Variants in AGPAT4 observed in about 807,000 individuals in gnomAD.
AGPAT4 encodes 1-acylglycerol-3-phosphate O-acyltransferase 4, also known as 1-acyl-sn-glycerol-3-phosphate acyltransferase delta.
AGPAT4 carries 15 observed loss-of-function variants against 48.0 expected under a neutral mutation model. That is an observed-to-expected ratio of 0.31 (90% CI 0.21 to 0.48). The LOEUF is 0.48. Ranked by LOEUF, AGPAT4 falls within the 20% of genes least tolerant of loss-of-function variation. The pLI is 0.99. For synonymous variants in AGPAT4, 178 were observed against 198.7 expected (o/e 0.90, Z 0.88); for missense variants, 314 against 482.5 (o/e 0.65, Z 3.27).
At position 161,142,392 on chromosome 6, in the gene AGPAT4, T is replaced by A. The variant is rs1779282787; in HGVS notation, c.844-2772A>T. 6.6e-6 allele frequency among the ~76,000 whole-genome samples: 1 copy of A among 152,146 alleles called. No homozygotes were observed. Among genetic ancestry groups the A allele is most frequent in the Non-Finnish European group, 1.5e-5 (1 of 68,020 alleles). ...AGGGAAAGGACTCGTGTTTTTTGTT[T>A]TTGTGTGTTACCGTGTGGCATAGTA... On this transcript the variant is annotated intron_variant, in intron 7 of 8. Coordinates refer to ENST00000320285, the MANE Select transcript of AGPAT4 (RefSeq NM_020133.3). The surrounding 1 kb of genome is among the most constrained non-coding windows in gnomAD (Gnocchi z 6.4).
At chr6:161,193,792 T>C (rs1780989723) in intron 2 of AGPAT4, among the ~76,000 whole-genome samples, 1 of 152,250 alleles carries the variant, frequency 6.6e-6, no homozygotes, top group Non-Finnish European at 1.5e-5. Context: ...CTATCTGCAC[T>C]ATCTTCCCTT....
intron 1 of AGPAT4, among the ~76,000 whole-genome samples, chr6:161,252,396 A>G (rs1345661211): frequency 2.6e-5 from 4 of 152,240 alleles, no homozygotes; most frequent in African/African-American, 4.8e-5. Context: ...CTTTTAGGTT[A>G]TGAGCTCCTT....
chr6:161,182,172 C>T (rs181888175), intron 2 of AGPAT4, among the ~76,000 whole-genome samples: 157 of 151,920 alleles, frequency 1.0e-3, no homozygotes, highest in Middle Eastern at 0.01. Context: ...GCACCTCGTC[C>T]CAGCCTCTTA....
rs1471346491 is a variant in AGPAT4 at position 161,231,227 on chromosome 6, A to G, written c.178+809T>C. On this transcript the variant is annotated intron_variant, in intron 2 of 8. Coordinates refer to ENST00000320285, the MANE Select transcript of AGPAT4 (RefSeq NM_020133.3). This position sits in a 1 kb window ranked among gnomAD's most constrained non-coding sequence, Gnocchi z 5.3. ...GCGTTCTCTACTTTTAAGAATAGGTATAGGCTTAAGGCTAATCAATATCAA... is the reference window on the plus strand; with the variant it reads ...GCGTTCTCTACTTTTAAGAATAGGTGTAGGCTTAAGGCTAATCAATATCAA... Among the ~76,000 whole-genome samples the G allele has an allele frequency of 1.3e-5, 2 of 152,246 alleles. No individual in the cohort carries two copies. The highest frequency in any genetic ancestry group is 4.8e-5 in the African/African-American group (2 of 41,464).
At chr6:161,168,307 C>T (rs1427012542) in intron 2 of AGPAT4, among the ~76,000 whole-genome samples, 2 of 152,114 alleles carry the variant, frequency 1.3e-5, no homozygotes, top group African/African-American at 2.4e-5. Flanking sequence ...AGATAAGCAC[C>T]AAAGCACAAC....
rs936535190 is a variant in AGPAT4 at position 161,158,736 on chromosome 6, G to A, written c.349-4426C>T. Among the ~76,000 whole-genome samples, 11 of 152,198 alleles carry A rather than the reference G, an allele frequency of 7.2e-5. No individual in the cohort carries two copies. The South Asian group carries it at 8.3e-4, about 11-fold the overall frequency. On this transcript the variant is annotated intron_variant, in intron 3 of 8. Coordinates refer to ENST00000320285, the MANE Select transcript of AGPAT4 (RefSeq NM_020133.3). This position sits in a 1 kb window ranked among gnomAD's most constrained non-coding sequence, Gnocchi z 5.3. ...ACAGCCTCTGGGGTGAAAAGGGATC[G>A]GAATGAGGCCATTCTAGTTAAGGTT...
chr6:161,166,507 G>C lies in AGPAT4; in HGVS notation c.179-90C>G. 6.9e-7 allele frequency: 1 copy of C among 1,458,608 alleles called. No homozygotes were observed. 90.4% of individuals were successfully genotyped at this position (1,458,608 alleles called of 1,614,324 possible). On this transcript the variant is annotated intron_variant, in intron 2 of 8. Transcript: ENST00000320285. The surrounding 1 kb of genome is among the most constrained non-coding windows in gnomAD (Gnocchi z 6.7). ...AGCAGGGCTCTGCCCTCCCAGCTAG[G>C]GGAGAAAGCAACTTCTACGGGCAAA...
rs1781104111 is a variant in AGPAT4, at chr6:161,197,577, G to A, written c.179-31160C>T. Among the ~76,000 whole-genome samples the A allele has an allele frequency of 6.6e-6, 1 of 152,126 alleles. No homozygotes were observed. The highest frequency in any genetic ancestry group is 1.5e-5 in the Non-Finnish European group (1 of 68,022). The stretch of plus-strand genomic sequence containing the variant: ...GACTGATGTACGCATTACTCCTGGG[G>A]CTCATGTTTTCCTCTCCTGAACCAC... On this transcript the variant is annotated intron_variant, in intron 2 of 8. Transcript: ENST00000320285. The surrounding 1 kb of genome is among the most constrained non-coding windows in gnomAD (Gnocchi z 5.7).
In AGPAT4 at chr6:161,139,729, G is replaced by A. The variant is rs999431319; in HGVS notation, c.844-109C>T. 9 of 975,628 alleles carry A rather than the reference G, an allele frequency of 9.2e-6. No homozygotes were observed. In the African/African-American group the frequency reaches 1.3e-4, roughly 14 times the overall value. The allele number at this position is 975,628 out of a possible 1,614,324, so 60.4% of individuals were successfully genotyped here. ...GCAGAGATACACAGGTGCCACCGGGGCTCGGCAGAACTGGGGTCTGCAGCT... is the reference window on the plus strand; with the variant it reads ...GCAGAGATACACAGGTGCCACCGGGACTCGGCAGAACTGGGGTCTGCAGCT... On this transcript the variant is annotated intron_variant, in intron 7 of 8. Coordinates refer to ENST00000320285, the MANE Select transcript of AGPAT4 (RefSeq NM_020133.3). This position sits in a 1 kb window ranked among gnomAD's most constrained non-coding sequence, Gnocchi z 9.1.
In AGPAT4 at chr6:161,183,058, TCCTCCTGC is replaced by T. The variant is rs1390696096; in HGVS notation, c.179-16649_179-16642del. 4.6e-5 allele frequency among the ~76,000 whole-genome samples: 7 copies of T among 152,230 alleles called. No homozygotes were observed. In the East Asian group the frequency reaches 1.2e-3, roughly 25 times the overall value. On this transcript the variant is annotated intron_variant, in intron 2 of 8. Coordinates refer to ENST00000320285, the MANE Select transcript of AGPAT4 (RefSeq NM_020133.3). The stretch of plus-strand genomic sequence containing the variant: ...AGAGGATGAGGAAGGGCCTAGAGTT[TCCTCCTGC>T]CCCCACCACCATTGCCACTCCAGTG...
In AGPAT4 at chr6:161,158,851, T is replaced by C. The variant is rs1779840842; in HGVS notation, c.349-4541A>G. On this transcript the variant is annotated intron_variant, in intron 3 of 8. Coordinates refer to ENST00000320285, the MANE Select transcript of AGPAT4 (RefSeq NM_020133.3). The surrounding 1 kb of genome is among the most constrained non-coding windows in gnomAD (Gnocchi z 5.3). ...CATGGCTGGGAGCAGCAGGGTATCC[T>C]GCTCCTGCACCGCCTCCACCCCCAC... Among the ~76,000 whole-genome samples the C allele has an allele frequency of 6.6e-6, 1 of 152,182 alleles. No individual in the cohort carries two copies. Among genetic ancestry groups the C allele is most frequent in the Admixed American group, 6.5e-5 (1 of 15,278 alleles).
In AGPAT4 at chr6:161,262,330, G is replaced by A. The variant is rs147998970; in HGVS notation, c.-90+11608C>T. ...GAACATGGGTTAGACTCTGCTGCCA[G>A]GACCTGAAAAGCGTGATGGAGCTGC... On this transcript the variant is annotated intron_variant, in intron 1 of 8. Coordinates refer to ENST00000320285, the MANE Select transcript of AGPAT4 (RefSeq NM_020133.3). The surrounding 1 kb of genome is among the most constrained non-coding windows in gnomAD (Gnocchi z 4.9). Among the ~76,000 whole-genome samples the A allele has an allele frequency of 4.8e-3, 726 of 152,294 alleles. 10 individuals are homozygous for A. Among genetic ancestry groups the A allele is most frequent in the African/African-American group, 0.017 (686 of 41,568 alleles).
chr6:161,201,398 C>T lies in AGPAT4; in HGVS notation c.178+30638G>A, dbSNP rs1175035580. 2.0e-5 allele frequency among the ~76,000 whole-genome samples: 3 copies of T among 152,062 alleles called. No individual in the cohort carries two copies. The highest frequency in any genetic ancestry group is 7.2e-5 in the African/African-American group (3 of 41,386). The stretch of plus-strand genomic sequence containing the variant: ...CAGTCTTATTTTTATTCAAAGAGCA[C>T]TTGAGGTTAAAAATAGAACCTAGAA... On this transcript the variant is annotated intron_variant, in intron 2 of 8. Coordinates refer to ENST00000320285, the MANE Select transcript of AGPAT4 (RefSeq NM_020133.3). The surrounding 1 kb of genome is among the most constrained non-coding windows in gnomAD (Gnocchi z 6.0).
chr6:161,227,746 C>T (rs1393469956), intron 2 of AGPAT4, among the ~76,000 whole-genome samples: 2 of 152,124 alleles, frequency 1.3e-5, no homozygotes, highest in Non-Finnish European at 2.9e-5. Context: ...ATTATTATTC[C>T]AGCGAGAAAC....
At position 161,216,337 on chromosome 6, in the gene AGPAT4, AGC is replaced by A. The variant is rs1214578019; in HGVS notation, c.178+15697_178+15698del. 2.6e-5 allele frequency among the ~76,000 whole-genome samples: 4 copies of A among 152,210 alleles called. No homozygotes were observed. The highest frequency in any genetic ancestry group is 9.6e-5 in the African/African-American group (4 of 41,462). On this transcript the variant is annotated intron_variant, in intron 2 of 8. Transcript: ENST00000320285. The surrounding 1 kb of genome is among the most constrained non-coding windows in gnomAD (Gnocchi z 4.8). Reference sequence around the variant, plus strand: ...GCAGCCCCAGTCTCTTCTGTCCTCAAGCAAACGTCTGCAACAAGTGCGTCTCT... The same window carrying A: ...GCAGCCCCAGTCTCTTCTGTCCTCAAAAACGTCTGCAACAAGTGCGTCTCT...
At chr6:161,176,359 C>T (rs557869859) in intron 2 of AGPAT4, among the ~76,000 whole-genome samples, 4 of 152,332 alleles carry the variant, frequency 2.6e-5, no homozygotes, top group Non-Finnish European at 1.5e-5. Flanking sequence ...GATAGCTCTT[C>T]TTGTTGAATT....
intron 5 of AGPAT4, among the ~76,000 whole-genome samples, chr6:161,150,169 G>A (rs1779548166): frequency 6.6e-6 from 1 of 152,248 alleles, no homozygotes; most frequent in Non-Finnish European, 1.5e-5. Context: ...ATATAGGAAG[G>A]AACGAGTGAA....
intron 2 of AGPAT4, among the ~76,000 whole-genome samples, chr6:161,187,747 T>C (rs904256577): frequency 6.6e-6 from 1 of 152,144 alleles, no homozygotes; most frequent in African/African-American, 2.4e-5. Context: ...TTTCACCATG[T>C]TGGCCAGCCT....
In AGPAT4 at chr6:161,243,976, G is replaced by A. The variant is rs1282777170; in HGVS notation, c.-89-11674C>T. On this transcript the variant is annotated intron_variant, in intron 1 of 8. Transcript: ENST00000320285. The surrounding 1 kb of genome is among the most constrained non-coding windows in gnomAD (Gnocchi z 4.8). ...GGCAGTTCAAAGTCATTGGTTTTGA[G>A]GCTCTCTTCCTAATAACAAGTTAAC... is the stretch of plus-strand genomic sequence containing the variant. Among the ~76,000 whole-genome samples, 1 of 152,170 alleles carries A rather than the reference G, an allele frequency of 6.6e-6. No homozygotes were observed. Among genetic ancestry groups the A allele is most frequent in the Non-Finnish European group, 1.5e-5 (1 of 68,036 alleles).
Sources: gnomAD v4.1 joint callset for allele counts (sites outside exome capture counted in the v4.1 genomes callset) on GRCh38, gnomAD v4.1.1 for gene constraint, Gnocchi (gnomAD v3.1) non-coding constraint, MANE v1.5 for transcripts, NCBI Gene and HGNC (gene_info 2026-07-23, HGNC 2026-07-21) for gene names.